ABCA4: variants seen among roughly 807,000 people sequenced by gnomAD.
ABCA4 encodes the protein ATP binding cassette subfamily A member 4, also known as retinal-specific phospholipid-transporting ATPase ABCA4.
ABCA4 carries 196 observed loss-of-function variants against 263.7 expected under a neutral mutation model. The observed-to-expected ratio is 0.74, with a 90% CI of 0.66 to 0.84. The LOEUF is 0.84. Ranked by LOEUF, ABCA4 falls within the 40% of genes least tolerant of loss-of-function variation. ABCA4 has a pLI of 0.00. For missense variants in ABCA4, 2,792 were observed against 2,855.1 expected (o/e 0.98, Z 0.50); for synonymous variants, 1,133 against 1,094.2 (o/e 1.04, Z -0.70).
intron 11 of ABCA4, among the ~76,000 whole-genome samples, chr1:94,067,487 A>C (rs1156592758): frequency 6.6e-6 from 1 of 152,188 alleles, no homozygotes. Flanking sequence ...AAAAAACTTA[A>C]AAGATTCTCA....
At chr1:93,993,783 T>G (rs1486802016) in intron 49 of ABCA4, among the ~76,000 whole-genome samples, 2 of 152,014 alleles carry the variant, frequency 1.3e-5, no homozygotes, top group African/African-American at 4.8e-5. Flanking sequence ...TCCATGTTCC[T>G]TGAGAAGCGG....
chr1:94,044,948 C>T (rs1181689562), intron 19 of ABCA4, among the ~76,000 whole-genome samples: 1 of 152,226 alleles, frequency 6.6e-6, no homozygotes, highest in African/African-American at 2.4e-5. Context: ...CCTCTGCCAT[C>T]CTTCTCTGCT....
intron 28 of ABCA4, 114 bp downstream of exon 28, chr1:94,030,882 C>T (rs1021273066): frequency 4.7e-6 from 7 of 1,493,104 alleles, no homozygotes; most frequent in Non-Finnish European, 6.5e-6. Context: ...GACCCCTCCC[C>T]TCTCTCATTG....
intron 19 of ABCA4, among the ~76,000 whole-genome samples, chr1:94,045,472 T>C (rs1660647042): frequency 6.6e-6 from 1 of 152,218 alleles, no homozygotes; most frequent in Non-Finnish European, 1.5e-5. Flanking sequence ...AACATTGTTT[T>C]AACCCCTGGG....
At chr1:94,062,058 A>G (rs940055043) in intron 13 of ABCA4, among the ~76,000 whole-genome samples, 8 of 152,026 alleles carry the variant, frequency 5.3e-5, no homozygotes, top group African/African-American at 1.7e-4. Flanking sequence ...CTGGGATGGG[A>G]GTGTCCAGGG....
intron 36 of ABCA4, among the ~76,000 whole-genome samples, chr1:94,018,169 A>G (rs1024101578): frequency 6.6e-6 from 1 of 152,246 alleles, no homozygotes; most frequent in Non-Finnish European, 1.5e-5. Context: ...CCATAGGCTC[A>G]GAGATCCCTG....
intron 4 of ABCA4, among the ~76,000 whole-genome samples, chr1:94,105,280 G>A (rs150800198): frequency 1.7e-3 from 265 of 152,294 alleles, no homozygotes; most frequent in African/African-American, 5.9e-3. Context: ...TTATCTCTTC[G>A]TTATTCTTTA....
chr1:94,060,885 T>TC (rs1388812249), intron 13 of ABCA4, 126 bp from the exon 14 acceptor site: 3 of 784,258 alleles, frequency 3.8e-6, no homozygotes, highest in Non-Finnish European at 6.6e-6. Context: ...CAGGAAAACC[T>TC]CCCCTGGACA....
At chr1:94,092,189 C>CT (rs977941734) in intron 6 of ABCA4, among the ~76,000 whole-genome samples, 1 of 152,142 alleles carries the variant, frequency 6.6e-6, no homozygotes, top group African/African-American at 2.4e-5. Flanking sequence ...TTCAATGTGT[C>CT]TTTTTGGGGC....
intron 36 of ABCA4, among the ~76,000 whole-genome samples, chr1:94,018,010 C>T (rs989924858): frequency 1.3e-5 from 2 of 152,118 alleles, no homozygotes; most frequent in East Asian, 1.9e-4. Context: ...TGATGGATCG[C>T]GGAGGTGAGA....
At chr1:94,067,736 A>C (rs527446151) in intron 11 of ABCA4, among the ~76,000 whole-genome samples, 59 of 152,288 alleles carry the variant, frequency 3.9e-4, no homozygotes, top group African/African-American at 1.4e-3. Flanking sequence ...GTAGGAATAA[A>C]AGCAGATGCT....
At chr1:94,111,297 G>A in intron 3 of ABCA4, 141 bp downstream of exon 3, 7 of 1,196,746 alleles carry the variant, frequency 5.8e-6, no homozygotes, top group Non-Finnish European at 7.1e-6. Flanking sequence ...GAGGAAACCT[G>A]CTCTGCTCCT....
chr1:94,018,689 A>T, intron 36 of ABCA4: 1 of 437,094 alleles, frequency 2.3e-6, no homozygotes, highest in East Asian at 7.0e-5. Flanking sequence ...TTGAGATTTT[A>T]CTACTCAAGA....
rs1662213265 is a variant in ABCA4, at chr1:94,098,921, A to G, written c.641T>C (p.Ile214Thr). The change falls in exon 6 of 50, where the codon ATC (isoleucine) becomes ACC (threonine). Residue 214 changes from isoleucine to threonine, a missense_variant. Ile to Thr is a moderately conservative substitution (Grantham distance 89, BLOSUM62 -1). Coordinates refer to ENST00000370225, the MANE Select transcript of ABCA4 (RefSeq NM_000350.3). ...ACSEALLERF[I>T]IFSQRRGAKT... ...TGCCCCGCGTCTCTGGCTGAAGATG[A>G]TGAAGCGCTCCAGGAGGGCCTCGCT... 3 of 1,613,708 alleles carry G rather than the reference A, an allele frequency of 1.9e-6. No homozygotes were observed. The highest frequency in any genetic ancestry group is 1.7e-6 in the Non-Finnish European group (2 of 1,180,022).
intron 1 of ABCA4, among the ~76,000 whole-genome samples, chr1:94,114,453 A>G (rs1662693743): frequency 6.6e-6 from 1 of 151,988 alleles, no homozygotes; most frequent in Non-Finnish European, 1.5e-5. Context: ...CACACACACA[A>G]TATGGGAAGA....
At chr1:94,010,330 C>T (rs1026656142) in intron 40 of ABCA4, among the ~76,000 whole-genome samples, 2 of 149,522 alleles carry the variant, frequency 1.3e-5, no homozygotes, top group Admixed American at 1.3e-4. Flanking sequence ...ACCCACCTTC[C>T]TCCAGGAGTG....
intron 14 of ABCA4, among the ~76,000 whole-genome samples, chr1:94,058,438 T>A (rs1253059221): frequency 6.6e-6 from 1 of 152,238 alleles, no homozygotes; most frequent in African/African-American, 2.4e-5. Flanking sequence ...ATCAGCTCAC[T>A]GAGACCTCCA....
chr1:93,999,943 T>C (rs965651724), intron 47 of ABCA4, among the ~76,000 whole-genome samples: 1 of 152,222 alleles, frequency 6.6e-6, no homozygotes, highest in Admixed American at 6.5e-5. Flanking sequence ...AGTTGCTCAA[T>C]AAATCATGGG....
At chr1:94,116,968 C>CTGTCTT (rs764312285) in intron 1 of ABCA4, among the ~76,000 whole-genome samples, 1 of 99,940 alleles carries the variant, frequency 1.0e-5, no homozygotes, top group African/African-American at 4.0e-5. Flanking sequence ...TTCTTTCTTT[C>CTGTCTT]TCTTTCTTTC....
Sources: gnomAD v4.1 joint callset for allele counts (sites outside exome capture counted in the v4.1 genomes callset) on GRCh38, gnomAD v4.1.1 for gene constraint, MANE v1.5 for transcripts, NCBI Gene and HGNC (gene_info 2026-07-23, HGNC 2026-07-21) for gene names.